Variants in WWP1 observed in about 807,000 individuals in gnomAD.
WWP1 encodes the protein NEDD4-like E3 ubiquitin-protein ligase WWP1.
A neutral mutation model predicts 130.6 loss-of-function variants in WWP1; 49 were observed. The observed-to-expected ratio is 0.38, with a 90% CI of 0.30 to 0.48. The LOEUF (loss-of-function observed/expected upper bound fraction) is 0.48. Among genes scored for constraint, WWP1 ranks in the 20% least tolerant of loss-of-function variants. The pLI, the probability that WWP1 is intolerant of heterozygous loss-of-function variation, is 0.99. For synonymous variants in WWP1, 332 were observed against 367.8 expected (o/e 0.90, Z 1.11); for missense variants, 809 against 1,100.6 (o/e 0.74, Z 3.75).
chr8:86,436,241 C>A (rs1469816510), intron 16 of WWP1, among the ~76,000 whole-genome samples: 1 of 152,074 alleles, frequency 6.6e-6, no homozygotes, highest in Non-Finnish European at 1.5e-5. Context: ...CAAGTTGATT[C>A]TTGTTTTGAC....
Position 86,431,757 on chromosome 8 carries a change from T to G in WWP1, c.1601+14T>G, listed in dbSNP as rs745311948. 3.1e-6 allele frequency: 5 copies of G among 1,612,968 alleles called. No homozygotes were observed. In the Admixed American group the frequency reaches 8.4e-5, roughly 27 times the overall value. On this transcript the variant is annotated intron_variant, in intron 14 of 24. Coordinates refer to ENST00000517970, the MANE Select transcript of WWP1 (RefSeq NM_007013.4). ...GAAGTCATCTGTGTGAGTGAAAACC[T>G]GAAGTTCTCCTTTAAATATTGCTTA...
chr8:86,451,203 C>T (rs1017378024), intron 20 of WWP1, among the ~76,000 whole-genome samples: 1 of 103,194 alleles, frequency 9.7e-6, no homozygotes, highest in African/African-American at 3.7e-5. Flanking sequence ...CCGAGTGAGA[C>T]CCTATGTTAT....
chr8:86,378,782 C>T (rs572759785), intron 3 of WWP1, among the ~76,000 whole-genome samples: 2 of 152,074 alleles, frequency 1.3e-5, no homozygotes, highest in South Asian at 4.1e-4. Context: ...ATTCAGTGGA[C>T]GTATTTTGGA....
intron 17 of WWP1, among the ~76,000 whole-genome samples, chr8:86,441,748 G>C (rs1810602127): frequency 6.6e-6 from 1 of 152,156 alleles, no homozygotes; most frequent in South Asian, 2.1e-4. Flanking sequence ...AATTCAGCAG[G>C]TATATAAGGA....
intron 8 of WWP1, among the ~76,000 whole-genome samples, chr8:86,408,039 AT>A (rs1808378017): frequency 6.6e-6 from 1 of 152,206 alleles, no homozygotes; most frequent in African/African-American, 2.4e-5. Flanking sequence ...CTACTCTAAA[AT>A]TTGTTTCATT....
chr8:86,343,060 G>T, intron 1 of WWP1, 130 bp downstream of exon 1: 1 of 291,696 alleles, frequency 3.4e-6, no homozygotes, highest in Non-Finnish European at 6.3e-6. Flanking sequence ...CCTAGGACCC[G>T]TCGGGGGACG....
chr8:86,380,780 C>G lies in WWP1; in HGVS notation c.125C>G (p.Thr42Arg). The change falls in exon 4 of 25, where the codon ACA (threonine) becomes AGA (arginine). Residue 42 changes from threonine to arginine, a missense_variant. Physicochemically the swap from Thr to Arg is moderately conservative, Grantham distance 71. Transcript: ENST00000517970. The part of the protein sequence containing the change: ...KKNWFGTAIY[T>R]EVVVDGEITK... ...AACTGGTTCGGAACAGCAATATATA[C>G]AGAAGTAGTTGTAGATGGAGAAATT... 1 of 1,613,116 alleles carries G rather than the reference C, an allele frequency of 6.2e-7. No homozygotes were observed. Among genetic ancestry groups the G allele is most frequent in the Non-Finnish European group, 8.5e-7 (1 of 1,179,618 alleles).
At chr8:86,351,225 A>T (rs545260668) in intron 1 of WWP1, among the ~76,000 whole-genome samples, 4 of 152,368 alleles carry the variant, frequency 2.6e-5, no homozygotes, top group African/African-American at 9.6e-5. Flanking sequence ...GTAATTCAGT[A>T]TTATGAAGTT....
chr8:86,448,655 T>C, intron 20 of WWP1, 142 bp downstream of exon 20: 1 of 725,544 alleles, frequency 1.4e-6, no homozygotes, highest in South Asian at 3.8e-5. Context: ...AAAGAGAATA[T>C]ATGTTGCTTC....
chr8:86,401,921 AAAG>A, intron 7 of WWP1, 95 bp from the exon 8 acceptor site: 1 of 1,205,424 alleles, frequency 8.3e-7, no homozygotes, highest in Admixed American at 3.1e-5. Flanking sequence ...AAATAACAAA[AAAG>A]AAACTTAAGA....
chr8:86,419,413 A>G (rs890202359), intron 9 of WWP1, among the ~76,000 whole-genome samples: 1 of 152,238 alleles, frequency 6.6e-6, no homozygotes, highest in East Asian at 1.9e-4. Context: ...GCGAGATTCC[A>G]TCTCAAAAAA....
intron 5 of WWP1, among the ~76,000 whole-genome samples, chr8:86,384,457 T>C (rs1341254170): frequency 6.6e-6 from 1 of 152,170 alleles, no homozygotes; most frequent in Non-Finnish European, 1.5e-5. Context: ...AGTATACACG[T>C]AATTTCCGGG....
chr8:86,399,203 A>G (rs1318566978), intron 7 of WWP1, among the ~76,000 whole-genome samples: 1 of 152,190 alleles, frequency 6.6e-6, no homozygotes, highest in Non-Finnish European at 1.5e-5. Flanking sequence ...GTCAGATACT[A>G]TGGATAAATA....
In WWP1 at chr8:86,404,075, T is replaced by C. The variant is rs183813890; in HGVS notation, c.724+1872T>C. ...CTGAAAAATCTCAAATCTGAAATGCTCCAAAATCTGAAACTGTTTGAGCAT... is the reference window on the plus strand; with the variant it reads ...CTGAAAAATCTCAAATCTGAAATGCCCCAAAATCTGAAACTGTTTGAGCAT... On this transcript the variant is annotated intron_variant, in intron 8 of 24. Coordinates refer to ENST00000517970, the MANE Select transcript of WWP1 (RefSeq NM_007013.4). Among the ~76,000 whole-genome samples, 4 of 152,316 alleles carry C rather than the reference T, an allele frequency of 2.6e-5. No individual in the cohort carries two copies. The East Asian group carries it at 7.7e-4, about 29-fold the overall frequency.
intron 20 of WWP1, among the ~76,000 whole-genome samples, chr8:86,450,927 T>C (rs1178769623): frequency 6.6e-6 from 1 of 151,862 alleles, no homozygotes; most frequent in Non-Finnish European, 1.5e-5. Flanking sequence ...TCTTAAAAGA[T>C]GCATGAGAGG....
intron 5 of WWP1, among the ~76,000 whole-genome samples, chr8:86,386,355 A>C (rs563539225): frequency 6.6e-6 from 1 of 152,228 alleles, no homozygotes; most frequent in South Asian, 2.1e-4. Flanking sequence ...GCTGCAGTGA[A>C]CTATCATTGT....
rs375362237 is a variant in WWP1 at position 86,401,192 on chromosome 8, G to A, written c.540-827G>A. Among the ~76,000 whole-genome samples, 14 of 151,852 alleles carry A rather than the reference G, an allele frequency of 9.2e-5. 1 individual carries two copies. In the East Asian group the frequency reaches 1.7e-3, roughly 19 times the overall value. On this transcript the variant is annotated intron_variant, in intron 7 of 24. Coordinates refer to ENST00000517970, the MANE Select transcript of WWP1 (RefSeq NM_007013.4). ...TGATCATCCTGTAGTCATGATTTTA[G>A]TGCCTAGTATATGCTAATTTGTAAC...
At chr8:86,345,525 T>C (rs1260123627) in intron 1 of WWP1, among the ~76,000 whole-genome samples, 2 of 152,100 alleles carry the variant, frequency 1.3e-5, no homozygotes, top group African/African-American at 4.8e-5. Flanking sequence ...TTCTCCTGCC[T>C]CAGTCTCCCG....
In WWP1 at chr8:86,387,256, C is replaced by T. The variant is rs1157944563; in HGVS notation, c.334+5627C>T. Among the ~76,000 whole-genome samples, 3 of 152,002 alleles carry T rather than the reference C, an allele frequency of 2.0e-5. No individual in the cohort carries two copies. In the South Asian group the frequency reaches 6.2e-4, roughly 32 times the overall value. ...ATTAGCAGTGGTCCTGTGTATTAGG[C>T]ATTTATCTTTTATTGGAAAGATATT... On this transcript the variant is annotated intron_variant, in intron 5 of 24. Transcript: ENST00000517970.
Sources: allele counts gnomAD v4.1 joint callset (sites outside exome capture counted in the v4.1 genomes callset), GRCh38; gene constraint gnomAD v4.1.1; transcripts MANE v1.5; gene names NCBI Gene and HGNC (gene_info 2026-07-23, HGNC 2026-07-21).